LARS1: variants seen among roughly 807,000 people sequenced by gnomAD.
LARS1 encodes leucine--tRNA ligase, cytoplasmic.
Under a neutral mutation model 162.8 loss-of-function variants are expected in LARS1, and 100 were observed. The ratio of observed to expected loss-of-function variants is 0.61; its 90% CI spans 0.52 to 0.73. The LOEUF is 0.73. Among genes scored for constraint, LARS1 ranks in the 30% least tolerant of loss-of-function variants. The pLI, the probability that LARS1 is intolerant of heterozygous loss-of-function variation, is 0.00. For synonymous variants in LARS1, 457 were observed against 462.8 expected (o/e 0.99, Z 0.16); for missense variants, 1,258 against 1,408.9 (o/e 0.89, Z 1.71).
intron 4 of LARS1, among the ~76,000 whole-genome samples, chr5:146,168,744 A>G (rs867601588): frequency 1.3e-5 from 2 of 152,172 alleles, no homozygotes; most frequent in Admixed American, 1.3e-4. Flanking sequence ...CTCAAAATTC[A>G]CTAATTTATA....
chr5:146,160,869 G>A (rs991333282), intron 6 of LARS1, among the ~76,000 whole-genome samples: 3 of 152,056 alleles, frequency 2.0e-5, no homozygotes, highest in African/African-American at 7.2e-5. Context: ...AGTATTCATT[G>A]TTATGAGACC....
At chr5:146,160,540 TA>T in intron 6 of LARS1, 54 bp from the exon 7 acceptor site, 1 of 882,040 alleles carries the variant, frequency 1.1e-6, no homozygotes, top group African/African-American at 1.8e-5. Context: ...AAATTTTGTT[TA>T]AATAAGAATT....
At chr5:146,140,349 CAT>C in intron 20 of LARS1, 88 bp from the exon 21 acceptor site, 1 of 972,764 alleles carries the variant, frequency 1.0e-6, no homozygotes, top group Non-Finnish European at 1.6e-6. Context: ...CTAATAGACT[CAT>C]AAAGGCTTGC....
intron 29 of LARS1, 80 bp from the exon 30 acceptor site, chr5:146,122,667 A>T: frequency 1.4e-6 from 1 of 694,846 alleles, no homozygotes. Flanking sequence ...TTCACCAAGA[A>T]CAAAACTAGG....
At position 146,114,132 on chromosome 5, in the gene LARS1, C is replaced by T. The variant is rs753633864; in HGVS notation, c.3505G>A (p.Asp1169Asn). The change falls in exon 32 of 32, where the codon GAT becomes AAT. Residue 1169 changes from aspartate (D) to asparagine (N), a missense_variant. By Grantham distance (23) the Asp-to-Asn change is conservative. Coordinates refer to ENST00000394434, the MANE Select transcript of LARS1 (RefSeq NM_020117.11). The part of the protein sequence containing the change: ...TENGIRVDIG[D>N]TIIYLVH ...TAATGAACCAGATAGATTATTGTAT[C>T]GCCAATATCCACCCTTATCCCATTC... The T allele has an allele frequency of 2.9e-5, 46 of 1,613,472 alleles. No individual in the cohort carries two copies. Among genetic ancestry groups the T allele is most frequent in the South Asian group, 6.6e-5 (6 of 91,040 alleles).
intron 5 of LARS1, 78 bp from the exon 6 acceptor site, chr5:146,164,549 T>C (rs1753916989): frequency 1.5e-6 from 2 of 1,376,574 alleles, no homozygotes; most frequent in Non-Finnish European, 2.0e-6. Flanking sequence ...TATTAATGAA[T>C]GTAATTTTTT....
At position 146,143,427 on chromosome 5, in the gene LARS1, G is replaced by A; in HGVS notation, c.1862C>T (p.Ser621Phe). ...GTTTACCAACCTAATGCCCAGCGGA[G>A]ACTCTGCCTGTCCATGCAAGTTACC... The part of the protein sequence containing the change: ...QGGNLHGQAE[S>F]PLGIRPQQMT... Residue 621 changes from serine to phenylalanine, a missense_variant, in exon 19 of 32, where the codon TCT (serine) becomes TTT (phenylalanine). Ser to Phe is a radical substitution (Grantham distance 155). Transcript: ENST00000394434. 1 of 1,612,906 alleles carries A rather than the reference G, an allele frequency of 6.2e-7. No individual in the cohort carries two copies. Among genetic ancestry groups the A allele is most frequent in the Non-Finnish European group, 8.5e-7 (1 of 1,179,168 alleles).
rs200913317 is a variant in LARS1, at chr5:146,157,514, C to T, written c.954G>A (p.Thr318=). The part of the protein sequence containing the change: ...RPDMKYIGFE[T]VNGDIFICTQ... ...TACAGATGAATATATCACCATTCAC[C>T]GTCTCAAATCCAATGTACTTCATAT... Residue 318 remains threonine, a synonymous_variant, in exon 10 of 32, where the codon ACG becomes ACA. Transcript: ENST00000394434. 2.7e-5 allele frequency: 43 copies of T among 1,613,994 alleles called. No homozygotes were observed. The Admixed American group carries it at 2.7e-4, about 10-fold the overall frequency.
chr5:146,132,725 C>T, intron 23 of LARS1, 173 bp downstream of exon 23: 1 of 476,512 alleles, frequency 2.1e-6, no homozygotes. Flanking sequence ...AGATAATGGA[C>T]ACAAAATACT....
chr5:146,160,560 T>G, intron 6 of LARS1, 74 bp from the exon 7 acceptor site: 1 of 686,262 alleles, frequency 1.5e-6, no homozygotes, highest in South Asian at 2.1e-5. Context: ...TTCCTATGAA[T>G]CAATTATTTA....
chr5:146,169,149 T>G (rs1754149427), intron 4 of LARS1, among the ~76,000 whole-genome samples: 1 of 152,166 alleles, frequency 6.6e-6, no homozygotes, highest in Non-Finnish European at 1.5e-5. Flanking sequence ...TCACATATAC[T>G]CTATTAGTTA....
chr5:146,179,982 T>G (rs1452005567), intron 1 of LARS1, among the ~76,000 whole-genome samples: 3 of 152,232 alleles, frequency 2.0e-5, no homozygotes, highest in Non-Finnish European at 4.4e-5. Flanking sequence ...TCTTAAGACA[T>G]TTATGCAGTT....
intron 29 of LARS1, 91 bp from the exon 30 acceptor site, chr5:146,122,678 T>C: frequency 1.6e-6 from 1 of 608,982 alleles, no homozygotes; most frequent in Non-Finnish European, 2.9e-6. Flanking sequence ...CAAAACTAGG[T>C]TCTCCAGTTA....
At chr5:146,136,329 G>A (rs984261040) in intron 21 of LARS1, among the ~76,000 whole-genome samples, 1 of 152,126 alleles carries the variant, frequency 6.6e-6, no homozygotes. Flanking sequence ...AAAATGTCAT[G>A]TTCTAACAAG....
chr5:146,149,148 T>C (rs1581048545), intron 15 of LARS1, among the ~76,000 whole-genome samples: 2 of 152,104 alleles, frequency 1.3e-5, no homozygotes, highest in East Asian at 3.8e-4. Context: ...AAATTTAAAT[T>C]ATGGAAAAGT....
chr5:146,161,118 T>C (rs1017472549), intron 6 of LARS1, among the ~76,000 whole-genome samples: 1 of 152,256 alleles, frequency 6.6e-6, no homozygotes, highest in Non-Finnish European at 1.5e-5. Flanking sequence ...TATTGAATTA[T>C]GTTAAGTGTG....
At chr5:146,133,202 G>T in intron 22 of LARS1, 121 bp from the exon 23 acceptor site, 1 of 767,636 alleles carries the variant, frequency 1.3e-6, no homozygotes, top group Non-Finnish European at 2.0e-6. Context: ...TGCTTTAAAG[G>T]ACTGTCCTGG....
At chr5:146,164,187 G>A (rs775100687) in intron 6 of LARS1, 123 bp downstream of exon 6, 31 of 928,910 alleles carry the variant, frequency 3.3e-5, no homozygotes, top group South Asian at 2.5e-4. Flanking sequence ...CTTGCTCAAC[G>A]CAGGGTTGCC....
rs774952963 is a variant in LARS1 at position 146,143,462 on chromosome 5, T to C, written c.1827A>G (p.Leu609=). 2.5e-6 allele frequency: 4 copies of C among 1,613,852 alleles called. No homozygotes were observed. Among genetic ancestry groups the C allele is most frequent in the East Asian group, 2.2e-5 (1 of 44,882 alleles). The part of the protein sequence containing the change: ...IYMAFYTVAH[L]LQGGNLHGQA... The stretch of plus-strand genomic sequence containing the variant: ...GTCCATGCAAGTTACCCCCCTGCAA[T>C]AGGTGTGCAACTGTGTAAAATGCCA... The change falls in exon 19 of 32, where the codon CTA becomes CTG. Residue 609 remains leucine (L), a synonymous_variant. Transcript: ENST00000394434.
Sources: allele counts gnomAD v4.1 joint callset (sites outside exome capture counted in the v4.1 genomes callset), GRCh38; gene constraint gnomAD v4.1.1; transcripts MANE v1.5; gene names NCBI Gene and HGNC (gene_info 2026-07-23, HGNC 2026-07-21).